RTBDN: variants seen among roughly 807,000 people sequenced by gnomAD.
The protein encoded by RTBDN is retbindin.
Under a neutral mutation model 21.9 loss-of-function variants are expected in RTBDN, and 24 were observed. The ratio of observed to expected loss-of-function variants is 1.10; its 90% CI spans 0.79 to 1.54. The LOEUF is 1.54. Ranked by LOEUF, RTBDN falls within the 40% of genes most tolerant of loss-of-function variation. The probability of loss-of-function intolerance (pLI) is 0.00; values close to 1 mark genes in which losing one functional copy is unlikely to be tolerated. For missense variants in RTBDN, 325 were observed against 315.2 expected (o/e 1.03, Z -0.23); for synonymous variants, 141 against 125.9 (o/e 1.12, Z -0.80).
At position 12,834,443 on chromosome 19, in the gene RTBDN, A is replaced by G; in HGVS notation, c.-19+46T>C. ...CGGCAACCTCGCCCCTCACCACCCC[A>G]GGAGCCCCCTCCCGAGGCATAGGAC... On this transcript the variant is annotated intron_variant, in intron 1 of 5. Transcript: ENST00000674343. The surrounding 1 kb of genome is among the most constrained non-coding windows in gnomAD (Gnocchi z 4.7). 6.9e-7 allele frequency: 1 copy of G among 1,441,942 alleles called. No homozygotes were observed. The allele number at this position is 1,441,942 out of a possible 1,614,324, so 89.3% of individuals were successfully genotyped here.
chr19:12,833,777 G>A (rs1428759970), intron 1 of RTBDN, among the ~76,000 whole-genome samples: 2 of 142,094 alleles, frequency 1.4e-5, no homozygotes, highest in Non-Finnish European at 3.0e-5. Flanking sequence ...CCGGGCTCGG[G>A]CGCCCAGACG....
At chr19:12,827,711 C>T (rs1461799702) in intron 4 of RTBDN, among the ~76,000 whole-genome samples, 1 of 152,174 alleles carries the variant, frequency 6.6e-6, no homozygotes, top group Non-Finnish European at 1.5e-5. Flanking sequence ...TCAACCAATC[C>T]TCCTGCCTTG....
chr19:12,829,480 G>A (rs1173485151), intron 2 of RTBDN, among the ~76,000 whole-genome samples: 1 of 152,132 alleles, frequency 6.6e-6, no homozygotes, highest in African/African-American at 2.4e-5. Context: ...TGGGATTATA[G>A]GCGTGAGCCA....
chr19:12,834,833 C>T (rs1359814814), upstream of RTBDN: 1 of 1,614,212 alleles, frequency 6.2e-7, no homozygotes, highest in Non-Finnish European at 8.5e-7. This position sits in a 1 kb window ranked among gnomAD's most constrained non-coding sequence, Gnocchi z 4.7. Context: ...CTCTGCTCGT[C>T]TTCAGCTGCG....
At chr19:12,832,365 A>G (rs1225518208) in intron 1 of RTBDN, among the ~76,000 whole-genome samples, 1 of 152,140 alleles carries the variant, frequency 6.6e-6, no homozygotes, top group Non-Finnish European at 1.5e-5. Context: ...CTCTGTGTAC[A>G]CCCAGTGATG....
Position 12,834,109 on chromosome 19 carries a change from C to T in RTBDN, c.-19+380G>A, listed in dbSNP as rs1458762627. On this transcript the variant is annotated intron_variant, in intron 1 of 5. Coordinates refer to ENST00000674343, the MANE Select transcript of RTBDN (RefSeq NM_001270441.2). The surrounding 1 kb of genome is among the most constrained non-coding windows in gnomAD (Gnocchi z 4.7). ...CTTGCACTAGGGTCAGCCGGGACGC[C>T]CCCACCCATAGGTTCGGGACGCTAA... 9.0e-5 allele frequency: 36 copies of T among 399,696 alleles called. No individual in the cohort carries two copies. Among genetic ancestry groups the T allele is most frequent in the Non-Finnish European group, 1.5e-4 (35 of 226,726 alleles). 24.8% of individuals were successfully genotyped at this position (399,696 alleles called of 1,614,324 possible).
At chr19:12,831,335 C>T (rs1969565908) in intron 1 of RTBDN, among the ~76,000 whole-genome samples, 1 of 152,190 alleles carries the variant, frequency 6.6e-6, no homozygotes, top group Non-Finnish European at 1.5e-5. Context: ...ACTCCTTTAA[C>T]TCATCCATTC....
chr19:12,826,393 TAAGA>T (rs1274267975), intron 5 of RTBDN: 1 of 1,273,824 alleles, frequency 7.9e-7, no homozygotes, highest in Admixed American at 2.8e-5. Context: ...CTAGACACGG[TAAGA>T]AAGAACTTGG....
upstream of RTBDN, chr19:12,834,869 C>A: frequency 6.2e-7 from 1 of 1,613,720 alleles, no homozygotes. The surrounding 1 kb of genome is among the most constrained non-coding windows in gnomAD (Gnocchi z 4.7). Flanking sequence ...TACGGAAGTT[C>A]AGGGTTAATA....
chr19:12,834,903 C>G (rs940047028), upstream of RTBDN: 6 of 1,594,914 alleles, frequency 3.8e-6, no homozygotes, highest in East Asian at 1.1e-4. This position sits in a 1 kb window ranked among gnomAD's most constrained non-coding sequence, Gnocchi z 4.7. Context: ...CCAAACATCC[C>G]AGAGGGGAAG....
chr19:12,830,376 C>T lies in RTBDN; in HGVS notation c.-18-379G>A, dbSNP rs1023318583. The T allele has an allele frequency of 2.0e-6, 2 of 999,304 alleles. No homozygotes were observed. The highest frequency in any genetic ancestry group is 3.5e-5 in the African/African-American group (2 of 57,770). 61.9% of individuals were successfully genotyped at this position (999,304 alleles called of 1,614,324 possible). Reference sequence around the variant, plus strand: ...CTCTCCTGTTCAGTAATTCCTCCCTCTCTTCTATGCGGCCTCCCTCCTCCC... The same window carrying T: ...CTCTCCTGTTCAGTAATTCCTCCCTTTCTTCTATGCGGCCTCCCTCCTCCC... On this transcript the variant is annotated intron_variant, in intron 1 of 5. Coordinates refer to ENST00000674343, the MANE Select transcript of RTBDN (RefSeq NM_001270441.2). This position sits in a 1 kb window ranked among gnomAD's most constrained non-coding sequence, Gnocchi z 4.2.
chr19:12,826,916 A>T (rs1568395705), intron 4 of RTBDN, 45 bp from the exon 5 acceptor site: 2 of 1,341,760 alleles, frequency 1.5e-6, no homozygotes, highest in Non-Finnish European at 2.1e-6. Flanking sequence ...TTGTAGTTAC[A>T]TTCCAGCGCG....
chr19:12,831,648 G>A (rs569944207), intron 1 of RTBDN, among the ~76,000 whole-genome samples: 1 of 152,332 alleles, frequency 6.6e-6, no homozygotes, highest in South Asian at 2.1e-4. Flanking sequence ...AGAGGTTGCA[G>A]TGAATCAAGA....
upstream of RTBDN, chr19:12,835,380 TAGAGCA>T: frequency 2.1e-6 from 1 of 470,820 alleles, no homozygotes; most frequent in Non-Finnish European, 3.9e-6. Flanking sequence ...GCGGCAAAGT[TAGAGCA>T]AGTACTGCAG....
rs1969501909 is a variant in RTBDN at position 12,829,954 on chromosome 19, G to A, written c.26C>T (p.Pro9Leu). Residue 9 changes from proline (P) to leucine (L), a missense_variant, in exon 2 of 6, where the codon CCC becomes CTC. Physicochemically the swap from Pro to Leu is moderately conservative, Grantham distance 98. Transcript: ENST00000674343. ...TTGCAGCACCCACGTCAGGCCGATG[G>A]GTCGCATGTGGACCCTGCAGTCCAT... is the stretch of plus-strand genomic sequence containing the variant. Reference protein sequence around the residue: MDCRVHMRPIGLTWVLQLT... With the variant: MDCRVHMRLIGLTWVLQLT... The A allele has an allele frequency of 2.5e-6, 4 of 1,613,968 alleles. No individual in the cohort carries two copies. Among genetic ancestry groups the A allele is most frequent in the African/African-American group, 2.7e-5 (2 of 75,054 alleles).
In RTBDN at chr19:12,825,878, A is replaced by G; in HGVS notation, c.518T>C (p.Val173Ala). 6.2e-7 allele frequency: 1 copy of G among 1,613,212 alleles called. No individual in the cohort carries two copies. The highest frequency in any genetic ancestry group is 8.5e-7 in the Non-Finnish European group (1 of 1,179,654). ...GCAGTGACGGGCTCCAGGAGCAGCC[A>G]CCGGTAGGGCGTGGCCCAGAGCCGA... Reference protein sequence around the residue: ...CRSALGHALPVAAPGARHCFN... With the variant: ...CRSALGHALPAAAPGARHCFN... The change falls in exon 6 of 6, where the codon GTG (valine) becomes GCG (alanine). Residue 173 changes from valine to alanine, a missense_variant. Coordinates refer to ENST00000674343, the MANE Select transcript of RTBDN (RefSeq NM_001270441.2).
upstream of RTBDN, chr19:12,835,177 T>C: frequency 1.4e-6 from 2 of 1,412,370 alleles, no homozygotes; most frequent in Non-Finnish European, 2.0e-6. Flanking sequence ...GGAAAAATGG[T>C]GATCAGACTG....
At chr19:12,832,263 A>G (rs983890417) in intron 1 of RTBDN, among the ~76,000 whole-genome samples, 1 of 152,122 alleles carries the variant, frequency 6.6e-6, no homozygotes, top group East Asian at 1.9e-4. Context: ...TTATTGCTGT[A>G]TTCCCTCCCA....
chr19:12,832,024 G>A (rs1190499672), intron 1 of RTBDN, among the ~76,000 whole-genome samples: 1 of 152,164 alleles, frequency 6.6e-6, no homozygotes, highest in Non-Finnish European at 1.5e-5. Context: ...TATGGCTGCA[G>A]ATGTGAGTTT....
Sources: gnomAD v4.1 joint callset for allele counts (sites outside exome capture counted in the v4.1 genomes callset) on GRCh38, gnomAD v4.1.1 for gene constraint, Gnocchi (gnomAD v3.1) non-coding constraint, MANE v1.5 for transcripts, NCBI Gene and HGNC (gene_info 2026-07-23, HGNC 2026-07-21) for gene names.